The following FER1L5 variants were observed in gnomAD, a reference collection of about 807,000 sequenced individuals.
FER1L5 encodes fer-1 like family member 5.
Under a neutral mutation model 279.9 loss-of-function variants are expected in FER1L5, and 187 were observed. That is an observed-to-expected ratio of 0.67 (90% confidence interval 0.59 to 0.75). The LOEUF (loss-of-function observed/expected upper bound fraction) is 0.75. FER1L5 is among the 30% of genes least tolerant of loss of function. The pLI is 0.00. For synonymous variants in FER1L5, 921 were observed against 989.7 expected (o/e 0.93, Z 1.30); for missense variants, 2,091 against 2,594.4 (o/e 0.81, Z 4.21).
chr2:96,659,699 G>C (rs1165550584), intron 9 of FER1L5, among the ~76,000 whole-genome samples: 1 of 151,178 alleles, frequency 6.6e-6, no homozygotes, highest in Non-Finnish European at 1.5e-5. Context: ...CACTGCGTTA[G>C]CCAGGATGGT....
At position 96,703,338 on chromosome 2, in the gene FER1L5, C is replaced by T. The variant is rs781295434; in HGVS notation, c.5683C>T (p.Arg1895Cys). 9.3e-6 allele frequency: 15 copies of T among 1,608,996 alleles called. No homozygotes were observed. Among genetic ancestry groups the T allele is most frequent in the Non-Finnish European group, 5.9e-6 (7 of 1,177,654 alleles). The change falls in exon 50 of 53, where the codon CGC becomes TGC. Residue 1895 changes from arginine (R) to cysteine (C), a missense_variant. Transcript: ENST00000624922. ...CCAGGTCCTCGATGGTGGCAAATGG[C>T]GCTTGTCGGTAGGAGCTGGGGAGTG... Reference protein sequence around the residue: ...PCQVLDGGKWRLSGKVKMSLE... With the variant: ...PCQVLDGGKWCLSGKVKMSLE...
At chr2:96,644,915 C>G (rs1327364674) in intron 1 of FER1L5, among the ~76,000 whole-genome samples, 1 of 152,192 alleles carries the variant, frequency 6.6e-6, no homozygotes, top group African/African-American at 2.4e-5. Flanking sequence ...TCTTCCCCAC[C>G]ACCTCATGGG....
At chr2:96,688,053 A>T (rs2076999610) in intron 24 of FER1L5, 106 bp downstream of exon 24, 1 of 1,437,522 alleles carries the variant, frequency 7.0e-7, no homozygotes, top group Admixed American at 2.0e-5. Flanking sequence ...TGGCGTGAGA[A>T]GGGAGGGTGT....
rs966321271 is a variant in FER1L5 at position 96,691,291 on chromosome 2, G to A, written c.2845G>A (p.Val949Met). The A allele has an allele frequency of 1.6e-4, 245 of 1,550,434 alleles. No individual in the cohort carries two copies. Among genetic ancestry groups the A allele is most frequent in the Non-Finnish European group, 1.9e-4 (219 of 1,146,866 alleles). Reference sequence around the variant, plus strand: ...GTGCCGCCGCCGGCGCTGGGCGCGTGTGCGCTTCAGGAACCATGGGGAGCT... The same window carrying A: ...GTGCCGCCGCCGGCGCTGGGCGCGTATGCGCTTCAGGAACCATGGGGAGCT... ...HSCRRRRWAR[V>M]RFRNHGELSH... is the part of the protein sequence containing the mutation. Residue 949 changes from valine to methionine, a missense_variant, in exon 28 of 53, where the codon GTG becomes ATG. Coordinates refer to ENST00000624922, the MANE Select transcript of FER1L5 (RefSeq NM_001293083.2). The surrounding 1 kb of genome is among the most constrained non-coding windows in gnomAD (Gnocchi z 6.0).
At chr2:96,657,172 C>A (rs886739595) in intron 9 of FER1L5, among the ~76,000 whole-genome samples, 1 of 151,558 alleles carries the variant, frequency 6.6e-6, no homozygotes, top group Non-Finnish European at 1.5e-5. Context: ...CTCCCAGGTT[C>A]AAGCAATTCT....
At chr2:96,703,976 C>T (rs552916067) in intron 51 of FER1L5, among the ~76,000 whole-genome samples, 23 of 152,020 alleles carry the variant, frequency 1.5e-4, no homozygotes, top group Admixed American at 5.9e-4. Context: ...CCACCATGCC[C>T]GGCTAATTTT....
Position 96,642,845 on chromosome 2 carries a change from G to T in FER1L5, c.9G>T (p.Arg3=), listed in dbSNP as rs1195274998. Residue 3 remains arginine, a synonymous_variant, in exon 1 of 53, where the codon CGG becomes CGT. Coordinates refer to ENST00000624922, the MANE Select transcript of FER1L5 (RefSeq NM_001293083.2). ...GAAAGTAGGTCTCCGAGATGCTGCGGCTTGTGGTGCAGTCGGCCAAGATTG... is the reference window on the plus strand; with the variant it reads ...GAAAGTAGGTCTCCGAGATGCTGCGTCTTGTGGTGCAGTCGGCCAAGATTG... ML[R]LVVQSAKIDP... 3 of 1,550,806 alleles carry T rather than the reference G, an allele frequency of 1.9e-6. No homozygotes were observed. The South Asian group carries it at 3.6e-5, about 18-fold the overall frequency.
chr2:96,684,289 C>T, intron 19 of FER1L5, 38 bp from the exon 20 acceptor site: 2 of 1,542,142 alleles, frequency 1.3e-6, no homozygotes, highest in Non-Finnish European at 8.8e-7. Context: ...CCAGAATCCC[C>T]CAGACACCCC....
intron 19 of FER1L5, among the ~76,000 whole-genome samples, chr2:96,683,199 AGAC>A (rs2106633944): frequency 6.6e-6 from 1 of 152,320 alleles, no homozygotes. Flanking sequence ...AGGTGGTTTT[AGAC>A]AACAGAAACT....
At chr2:96,679,468 C>T (rs572538314) in intron 19 of FER1L5, among the ~76,000 whole-genome samples, 4 of 152,236 alleles carry the variant, frequency 2.6e-5, no homozygotes, top group East Asian at 1.9e-4. Context: ...GTGATCCACC[C>T]GCTTCAGCCT....
chr2:96,690,390 G>GCCACA, intron 26 of FER1L5, 97 bp from the exon 27 acceptor site: 1 of 1,124,948 alleles, frequency 8.9e-7, no homozygotes, highest in Admixed American at 2.0e-5. Flanking sequence ...GGCTGCTGCG[G>GCCACA]CCACAGCAGG....
At chr2:96,670,337 A>T in intron 18 of FER1L5, 90 bp downstream of exon 18, 1 of 1,497,504 alleles carries the variant, frequency 6.7e-7, no homozygotes, top group Non-Finnish European at 9.0e-7. Context: ...CCGTGTAGAG[A>T]GGCCCTGGCC....
rs573751540 is a variant in FER1L5 at position 96,672,370 on chromosome 2, C to T, written c.1492-707C>T. Among the ~76,000 whole-genome samples, 79 of 152,302 alleles carry T rather than the reference C, an allele frequency of 5.2e-4. No individual in the cohort carries two copies. In the South Asian group the frequency reaches 0.016, roughly 30 times the overall value. On this transcript the variant is annotated intron_variant, in intron 18 of 52. Coordinates refer to ENST00000624922, the MANE Select transcript of FER1L5 (RefSeq NM_001293083.2). ...GGATTACAGGCATGAGCCACCACGCCTGGCCTCAAAAGTAAATTTTTTTAA... is the reference window on the plus strand; with the variant it reads ...GGATTACAGGCATGAGCCACCACGCTTGGCCTCAAAAGTAAATTTTTTTAA...
chr2:96,661,978 G>T (rs558839774), intron 12 of FER1L5, among the ~76,000 whole-genome samples, 187 bp downstream of exon 12: 1 of 152,118 alleles, frequency 6.6e-6, no homozygotes, highest in African/African-American at 2.4e-5. Flanking sequence ...TTTCAAACGG[G>T]TCTCACACCC....
intron 20 of FER1L5, among the ~76,000 whole-genome samples, chr2:96,684,910 C>T (rs537011677): frequency 2.9e-4 from 44 of 152,054 alleles, no homozygotes; most frequent in Non-Finnish European, 5.3e-4. Context: ...TTCTGAAGTT[C>T]GGCAGGATCT....
At chr2:96,661,914 G>A in intron 12 of FER1L5, 123 bp downstream of exon 12, 1 of 1,365,442 alleles carries the variant, frequency 7.3e-7, no homozygotes, top group Middle Eastern at 2.6e-4. Flanking sequence ...AGGGGGGACA[G>A]GGTGAGACTG....
chr2:96,679,171 C>T (rs2076619931), intron 19 of FER1L5, among the ~76,000 whole-genome samples: 1 of 151,602 alleles, frequency 6.6e-6, no homozygotes, highest in South Asian at 2.1e-4. Flanking sequence ...GGCAACATGG[C>T]GAGATCCTAC....
At chr2:96,696,210 C>G (rs2077372892) in intron 37 of FER1L5, 133 bp downstream of exon 37, 7 of 1,109,820 alleles carry the variant, frequency 6.3e-6, no homozygotes, top group Non-Finnish European at 9.1e-6. Context: ...TCTGTAGGGT[C>G]CTCAGCCTAT....
rs1255848336 is a variant in FER1L5, at chr2:96,695,559, C to T, written c.3792C>T (p.Leu1264=). 3 of 1,594,088 alleles carry T rather than the reference C, an allele frequency of 1.9e-6. No homozygotes were observed. The African/African-American group carries it at 4.0e-5, about 21-fold the overall frequency. ...RNMKKASSPQ[L]LVEFGEESLR... ...TGAAGAAGGCGAGCTCCCCCCAGCT[C>T]CTGGTGGAATTCGGGGAAGAGTCCC... The change falls in exon 35 of 53, where the codon CTC becomes CTT. Residue 1264 remains leucine, a synonymous_variant. Transcript: ENST00000624922.
Sources: gnomAD v4.1 joint callset for allele counts (sites outside exome capture counted in the v4.1 genomes callset) on GRCh38, gnomAD v4.1.1 for gene constraint, Gnocchi (gnomAD v3.1) non-coding constraint, MANE v1.5 for transcripts, NCBI Gene and HGNC (gene_info 2026-07-23, HGNC 2026-07-21) for gene names.